Variants in DBX2 observed in about 807,000 individuals in gnomAD.
The protein encoded by DBX2 is developing brain homeobox 2.
In DBX2, 16 loss-of-function variants were observed where a neutral mutation model predicts 17.7. That is an observed-to-expected ratio of 0.90 (90% confidence interval 0.61 to 1.37). DBX2 has a LOEUF of 1.37. Among genes scored for constraint, DBX2 ranks in the 40% most tolerant of loss-of-function variants. The probability of loss-of-function intolerance (pLI) is 0.00; values close to 1 mark genes in which losing one functional copy is unlikely to be tolerated. For missense variants in DBX2, 538 were observed against 433.8 expected (o/e 1.24, Z -2.13); for synonymous variants, 255 against 183.8 (o/e 1.39, Z -3.13).
chr12:45,050,966 G>T lies in DBX2; in HGVS notation c.-39C>A. ...CCGGTCTGCTGCGCGCCCGCCTTGC[G>T]CCCGCCTGTCGCCCGGGCGCCCCGC... On this transcript the variant is annotated 5_prime_UTR_variant, in exon 1 of 4. Coordinates refer to ENST00000332700, the MANE Select transcript of DBX2 (RefSeq NM_001004329.3). The T allele has an allele frequency of 1.5e-6, 2 of 1,376,128 alleles. No individual in the cohort carries two copies. The highest frequency in any genetic ancestry group is 1.9e-6 in the Non-Finnish European group (2 of 1,066,158). The allele number at this position is 1,376,128 out of a possible 1,614,324, so 85.2% of individuals were successfully genotyped here.
chr12:45,020,131 A>G (rs1946344059), intron 3 of DBX2, among the ~76,000 whole-genome samples: 1 of 152,142 alleles, frequency 6.6e-6, no homozygotes, highest in Non-Finnish European at 1.5e-5. Flanking sequence ...TGCAACCATC[A>G]CCAATTTTAG....
At chr12:45,037,975 A>C (rs1054509885) in intron 1 of DBX2, among the ~76,000 whole-genome samples, 3 of 152,048 alleles carry the variant, frequency 2.0e-5, no homozygotes, top group African/African-American at 7.2e-5. Flanking sequence ...ATGTTCAAAA[A>C]GTTTTATAAA....
intron 1 of DBX2, among the ~76,000 whole-genome samples, chr12:45,036,444 T>C (rs1047287542): frequency 2.0e-5 from 3 of 152,178 alleles, no homozygotes; most frequent in Non-Finnish European, 4.4e-5. Context: ...AAACTATCTG[T>C]GATGATTGGA....
intron 1 of DBX2, among the ~76,000 whole-genome samples, chr12:45,042,284 A>C (rs1946475692): frequency 1.3e-5 from 2 of 152,234 alleles, no homozygotes; most frequent in Admixed American, 1.3e-4. Flanking sequence ...TATTGTGCAG[A>C]CTTCTACTGA....
chr12:45,044,386 C>T (rs1170528494), intron 1 of DBX2, among the ~76,000 whole-genome samples: 4 of 152,046 alleles, frequency 2.6e-5, no homozygotes, highest in Non-Finnish European at 5.9e-5. Flanking sequence ...TTATTAACTC[C>T]TTCACATATT....
Position 45,051,051 on chromosome 12 carries a change from C to T in DBX2, c.-124G>A. 1 of 1,207,790 alleles carries T rather than the reference C, an allele frequency of 8.3e-7. No individual in the cohort carries two copies. The highest frequency in any genetic ancestry group is 3.3e-5 in the East Asian group (1 of 30,236). 74.8% of individuals were successfully genotyped at this position (1,207,790 alleles called of 1,614,324 possible). A position where few individuals can be genotyped will look rare whatever the true frequency, so the allele number is the denominator to read the frequency against. On this transcript the variant is annotated 5_prime_UTR_variant, in exon 1 of 4. Coordinates refer to ENST00000332700, the MANE Select transcript of DBX2 (RefSeq NM_001004329.3). ...TCCCGCAGGGCTGGAGCGCGCGGAG[C>T]CAGGCAGGGAGGAAAGGCCACCCGG...
chr12:45,050,429 C>G (rs1946523507), intron 1 of DBX2, 96 bp downstream of exon 1: 1 of 1,467,652 alleles, frequency 6.8e-7, no homozygotes, highest in Non-Finnish European at 9.0e-7. Context: ...CCGGCTCTCC[C>G]TGGGCGCAGT....
chr12:45,032,758 C>A (rs939742035), intron 2 of DBX2, among the ~76,000 whole-genome samples: 1 of 152,116 alleles, frequency 6.6e-6, no homozygotes, highest in Admixed American at 6.6e-5. Context: ...TAACCTTTGT[C>A]TTTTAAGGCA....
chr12:45,030,625 G>T (rs887281240), intron 2 of DBX2, among the ~76,000 whole-genome samples: 3 of 152,180 alleles, frequency 2.0e-5, no homozygotes, highest in Non-Finnish European at 1.5e-5. Context: ...CCTGAGGTAG[G>T]CCAAGGCGTG....
At chr12:45,046,676 C>T (rs1592760584) in intron 1 of DBX2, among the ~76,000 whole-genome samples, 1 of 152,250 alleles carries the variant, frequency 6.6e-6, no homozygotes, top group East Asian at 1.9e-4. Flanking sequence ...GAAAAAACTA[C>T]CGTTTGCAGC....
intron 3 of DBX2, among the ~76,000 whole-genome samples, chr12:45,021,334 G>A (rs2137018877): frequency 6.6e-6 from 1 of 152,232 alleles, no homozygotes; most frequent in Middle Eastern, 3.4e-3. Context: ...CCACAAGATG[G>A]CAAACAAATA....
rs554310403 is a variant in DBX2, at chr12:45,029,719, C to T, written c.500-5825G>A. Reference sequence around the variant, plus strand: ...CTCTACTAAAAATACCAAAATTAGCCAGGTGTGGCGGTGCGTGCCCGTAAT... The same window carrying T: ...CTCTACTAAAAATACCAAAATTAGCTAGGTGTGGCGGTGCGTGCCCGTAAT... On this transcript the variant is annotated intron_variant, in intron 2 of 3. Transcript: ENST00000332700. Among the ~76,000 whole-genome samples, 8 of 151,864 alleles carry T rather than the reference C, an allele frequency of 5.3e-5. No individual in the cohort carries two copies. The South Asian group carries it at 1.7e-3, about 32-fold the overall frequency.
At chr12:45,020,835 G>A (rs1946348176) in intron 3 of DBX2, among the ~76,000 whole-genome samples, 2 of 151,922 alleles carry the variant, frequency 1.3e-5, no homozygotes, top group South Asian at 4.2e-4. Flanking sequence ...GTTATTATAT[G>A]TTCATGCATA....
intron 2 of DBX2, among the ~76,000 whole-genome samples, chr12:45,031,508 T>C (rs1209765780): frequency 6.6e-6 from 1 of 152,174 alleles, no homozygotes; most frequent in Non-Finnish European, 1.5e-5. Flanking sequence ...ACAGTAGACC[T>C]GAGTTAAAGA....
chr12:45,026,077 C>T (rs1034786887), intron 2 of DBX2, among the ~76,000 whole-genome samples: 44 of 152,140 alleles, frequency 2.9e-4, no homozygotes, highest in Admixed American at 7.8e-4. Flanking sequence ...ATTTAAAAAG[C>T]GGGAAGTTTC....
chr12:45,039,722 T>C (rs1290368108), intron 1 of DBX2, among the ~76,000 whole-genome samples: 2 of 151,790 alleles, frequency 1.3e-5, no homozygotes. Flanking sequence ...TCACAGCAAA[T>C]TAAAAGAAAA....
At chr12:45,039,268 G>A (rs536802882) in intron 1 of DBX2, among the ~76,000 whole-genome samples, 16 of 111,632 alleles carry the variant, frequency 1.4e-4, no homozygotes, top group Non-Finnish European at 2.6e-4. Flanking sequence ...ACAATGCACT[G>A]CATTGAAGGT....
intron 2 of DBX2, among the ~76,000 whole-genome samples, chr12:45,027,916 TACAG>T (rs1946389942): frequency 1.3e-5 from 2 of 152,126 alleles, no homozygotes; most frequent in Non-Finnish European, 2.9e-5. Flanking sequence ...CCAAGAATAA[TACAG>T]ACAGCCACAA....
chr12:45,016,116 G>A lies in DBX2; in HGVS notation c.*170C>T, dbSNP rs1015234153. 1.3e-4 allele frequency: 81 copies of A among 628,714 alleles called. No homozygotes were observed. Among genetic ancestry groups the A allele is most frequent in the Non-Finnish European group, 1.5e-4 (62 of 400,236 alleles). 38.9% of individuals were successfully genotyped at this position (628,714 alleles called of 1,614,324 possible). A position where few individuals can be genotyped will look rare whatever the true frequency, so the allele number is the denominator to read the frequency against. On this transcript the variant is annotated 3_prime_UTR_variant, in exon 4 of 4. Coordinates refer to ENST00000332700, the MANE Select transcript of DBX2 (RefSeq NM_001004329.3). ...TATTCCACTTACAAATTAAGCCTGA[G>A]TCTAGGGCCAAACAAGAGAACACTA...
Sources: gnomAD v4.1 joint callset for allele counts (sites outside exome capture counted in the v4.1 genomes callset) on GRCh38, gnomAD v4.1.1 for gene constraint, MANE v1.5 for transcripts, NCBI Gene and HGNC (gene_info 2026-07-23, HGNC 2026-07-21) for gene names.